The following NOL4 variants were observed in gnomAD, a reference collection of about 807,000 sequenced individuals.
NOL4 encodes cancer/testis antigen 125.
In NOL4, 17 loss-of-function variants were observed where a neutral mutation model predicts 75.9. That is an observed-to-expected ratio of 0.22 (90% CI 0.15 to 0.34). The LOEUF is 0.34. Ranked by LOEUF, NOL4 falls within the 10% of genes least tolerant of loss-of-function variation. NOL4 has a pLI of 1.00. For synonymous variants in NOL4, 292 were observed against 289.9 expected, an observed-to-expected ratio of 1.01 and a Z score of -0.07; for missense variants, 614 against 793.5, an observed-to-expected ratio of 0.77 and a Z score of 2.72.
chr18:34,016,543 CCA>C (rs1359866580), intron 6 of NOL4, among the ~76,000 whole-genome samples: 1 of 152,072 alleles, frequency 6.6e-6, no homozygotes, highest in Non-Finnish European at 1.5e-5. Context: ...AATACCCATG[CCA>C]GGTACGCTCT....
At chr18:34,220,583 G>T (rs1264733622) in intron 1 of NOL4, among the ~76,000 whole-genome samples, 1 of 152,022 alleles carries the variant, frequency 6.6e-6, no homozygotes, top group African/African-American at 2.4e-5. Context: ...TGAAATGTAG[G>T]GAAACACATG....
intron 6 of NOL4, among the ~76,000 whole-genome samples, chr18:33,964,547 A>G (rs2070423448): frequency 6.6e-6 from 1 of 152,128 alleles, no homozygotes; most frequent in Non-Finnish European, 1.5e-5. Context: ...GAAGGAAGAG[A>G]AAGAGTGAGA....
chr18:34,118,540 G>A (rs533453964), intron 2 of NOL4, among the ~76,000 whole-genome samples: 6 of 152,218 alleles, frequency 3.9e-5, no homozygotes, highest in African/African-American at 7.2e-5. Flanking sequence ...ACTCCAGAGC[G>A]GCCTCTATCT....
At chr18:33,871,592 T>C (rs1038728059) in intron 10 of NOL4, among the ~76,000 whole-genome samples, 13 of 151,954 alleles carry the variant, frequency 8.6e-5, no homozygotes, top group African/African-American at 1.7e-4. Context: ...AATGAGCCCA[T>C]GTCACCTGGA....
At chr18:33,919,186 T>G (rs1338182131) in intron 9 of NOL4, among the ~76,000 whole-genome samples, 1 of 152,184 alleles carries the variant, frequency 6.6e-6, no homozygotes, top group East Asian at 1.9e-4. Context: ...TGGACCCTGT[T>G]GCCATTGCTA....
chr18:34,173,814 C>T (rs2033282815), intron 1 of NOL4, among the ~76,000 whole-genome samples: 1 of 152,132 alleles, frequency 6.6e-6, no homozygotes, highest in East Asian at 1.9e-4. Flanking sequence ...TAAATCTTGG[C>T]AGTGCCATGT....
intron 10 of NOL4, among the ~76,000 whole-genome samples, chr18:33,871,323 C>T (rs2063690438): frequency 1.3e-5 from 2 of 151,924 alleles, no homozygotes; most frequent in African/African-American, 4.8e-5. Flanking sequence ...AGCTTGGTTC[C>T]TATTTCTGGA....
chr18:33,927,556 A>T (rs2067417320), intron 9 of NOL4, among the ~76,000 whole-genome samples: 1 of 152,162 alleles, frequency 6.6e-6, no homozygotes. Flanking sequence ...TACATTATTG[A>T]CAAAGGAAGA....
intron 10 of NOL4, among the ~76,000 whole-genome samples, chr18:33,882,905 AG>A (rs1245520843): frequency 6.6e-6 from 1 of 152,132 alleles, no homozygotes; most frequent in African/African-American, 2.4e-5. Context: ...TGTCCTTTGT[AG>A]GGACATGGAT....
At chr18:33,889,456 G>A (rs1599759415) in intron 9 of NOL4, among the ~76,000 whole-genome samples, 2 of 152,156 alleles carry the variant, frequency 1.3e-5, no homozygotes, top group East Asian at 3.9e-4. Flanking sequence ...TCTACCAGAG[G>A]TACAAAGAGG....
Position 34,222,941 on chromosome 18 carries a change from C to G in NOL4, c.264+49G>C, listed in dbSNP as rs777018376. 10 of 1,588,204 alleles carry G rather than the reference C, an allele frequency of 6.3e-6. 1 individual carries two copies. In the South Asian group the frequency reaches 7.8e-5, roughly 12 times the overall value. ...CCCGCCTCTCTCCTTCCTCCCTCCC[C>G]GCCGGGCTGCTCCGGCAGACAAATA... On this transcript the variant is annotated intron_variant, in intron 1 of 10. Coordinates refer to ENST00000261592, the MANE Select transcript of NOL4 (RefSeq NM_003787.5).
intron 2 of NOL4, among the ~76,000 whole-genome samples, chr18:34,119,113 A>T (rs1408208544): frequency 6.6e-6 from 1 of 152,212 alleles, no homozygotes; most frequent in African/African-American, 2.4e-5. Context: ...ACTCTCAGAT[A>T]AAAAGTTCTT....
rs185887622 is a variant in NOL4, at chr18:34,188,508, G to A, written c.264+34482C>T. On this transcript the variant is annotated intron_variant, in intron 1 of 10. Transcript: ENST00000261592. ...CCTAACCTACTGAACATCATAGCTT[G>A]GCCTAGCCTATGTTAAATCTGCTCA... is the stretch of plus-strand genomic sequence containing the variant. 1.8e-4 allele frequency among the ~76,000 whole-genome samples: 27 copies of A among 152,300 alleles called. No individual in the cohort carries two copies. In the East Asian group the frequency reaches 4.8e-3, roughly 27 times the overall value.
intron 5 of NOL4, among the ~76,000 whole-genome samples, chr18:34,031,263 C>T (rs1019716239): frequency 2.6e-5 from 4 of 152,178 alleles, no homozygotes; most frequent in Non-Finnish European, 5.9e-5. Flanking sequence ...CAGTGCTTCT[C>T]AAACTCTCAG....
chr18:34,058,070 C>T (rs76858759), intron 5 of NOL4, among the ~76,000 whole-genome samples: 271 of 152,266 alleles, frequency 1.8e-3, no homozygotes, highest in African/African-American at 6.4e-3. Flanking sequence ...TCCAGCTCCT[C>T]ACTTTAACAG....
At position 33,972,423 on chromosome 18, in the gene NOL4, T is replaced by A. The variant is rs77738400; in HGVS notation, c.1057-14005A>T. The stretch of plus-strand genomic sequence containing the variant: ...ACCAAAACTATAAAAAGCTACCACC[T>A]CTCACCCATTAGGATGGCAACTATA... On this transcript the variant is annotated intron_variant, in intron 6 of 10. Coordinates refer to ENST00000261592, the MANE Select transcript of NOL4 (RefSeq NM_003787.5). Among the ~76,000 whole-genome samples, 1,522 of 152,212 alleles carry A rather than the reference T, an allele frequency of 1.0e-2. 11 individuals carry two copies. The highest frequency in any genetic ancestry group is 0.015 in the Non-Finnish European group (997 of 68,008).
intron 9 of NOL4, among the ~76,000 whole-genome samples, chr18:33,935,409 A>G (rs1284316125): frequency 1.3e-5 from 2 of 152,122 alleles, no homozygotes; most frequent in Admixed American, 1.3e-4. Context: ...GTTTCAGGGA[A>G]TCAGAAAGGC....
At chr18:33,889,893 T>C (rs2064996375) in intron 9 of NOL4, among the ~76,000 whole-genome samples, 1 of 152,070 alleles carries the variant, frequency 6.6e-6, no homozygotes, top group African/African-American at 2.4e-5. Flanking sequence ...TATCTCAAAA[T>C]AATAAGAGAT....
intron 6 of NOL4, among the ~76,000 whole-genome samples, chr18:33,968,880 C>T (rs143208106): frequency 7.1e-4 from 108 of 152,202 alleles, no homozygotes; most frequent in Non-Finnish European, 1.3e-3. Context: ...CTTCTTCATA[C>T]GACAACAGTT....
Sources: gnomAD v4.1 joint callset for allele counts (sites outside exome capture counted in the v4.1 genomes callset) on GRCh38, gnomAD v4.1.1 for gene constraint, MANE v1.5 for transcripts, NCBI Gene and HGNC (gene_info 2026-07-23, HGNC 2026-07-21) for gene names.